GUCY2F: variants seen among roughly 807,000 people sequenced by gnomAD.
GUCY2F encodes retinal guanylyl cyclase 2.
Under a neutral mutation model 73.1 loss-of-function variants are expected in GUCY2F, and 61 were observed. The observed-to-expected ratio is 0.83, with a 90% confidence interval of 0.68 to 1.03. The LOEUF is 1.03. Ranked by LOEUF, GUCY2F falls within the 50% of genes least tolerant of loss-of-function variation. The probability of loss-of-function intolerance (pLI) is 0.00; values close to 1 mark genes in which losing one functional copy is unlikely to be tolerated. For missense variants in GUCY2F, 912 were observed against 854.3 expected, an observed-to-expected ratio of 1.07 and a Z score of -0.84; for synonymous variants, 331 against 307.8, an observed-to-expected ratio of 1.08 and a Z score of -0.79.
chrX:109,381,773 C>A (rs1165217766), intron 17 of GUCY2F, among the ~76,000 whole-genome samples: 1 of 112,176 alleles, frequency 8.9e-6, no homozygotes, highest in Non-Finnish European at 1.9e-5. Flanking sequence ...CAATGTCTGG[C>A]ACTGCCAAAG....
chrX:109,419,850 A>C (rs777133471), intron 8 of GUCY2F, among the ~76,000 whole-genome samples: 1 of 109,623 alleles, frequency 9.1e-6, no homozygotes, highest in African/African-American at 3.3e-5. Context: ...AATTTAAAGA[A>C]TTTACAATGT....
chrX:109,383,524 T>A lies in GUCY2F; in HGVS notation c.3056-1312A>T, dbSNP rs549077614. 4.9e-4 allele frequency: 99 copies of A among 202,977 alleles called. 2 individuals are homozygous for A. In the South Asian group the frequency reaches 0.02, roughly 40 times the overall value. 16.7% of individuals were successfully genotyped at this position (202,977 alleles called of 1,213,427 possible). A position where few individuals can be genotyped will look rare whatever the true frequency, so the allele number is the denominator to read the frequency against. On this transcript the variant is annotated intron_variant, in intron 16 of 19. Transcript: ENST00000218006. ...ACATGTCCTGATTTCATATCCAATG[T>A]GAGGAGAGGCTACCTCTCTACAGAT...
chrX:109,442,992 A>T (rs1931909900), intron 6 of GUCY2F, among the ~76,000 whole-genome samples: 2 of 111,993 alleles, frequency 1.8e-5, no homozygotes, highest in Non-Finnish European at 3.8e-5. Flanking sequence ...TCTTAACCTG[A>T]CTTCTCCTAA....
chrX:109,426,581 G>GA (rs1400897561), intron 8 of GUCY2F, among the ~76,000 whole-genome samples: 1 of 111,475 alleles, frequency 9.0e-6, no homozygotes. Context: ...AGTAGAGACG[G>GA]GGTTTCACCG....
intron 8 of GUCY2F, among the ~76,000 whole-genome samples, chrX:109,423,255 A>T (rs1474593160): frequency 8.9e-6 from 1 of 112,179 alleles, no homozygotes. Context: ...TTTAAAATGT[A>T]GAAAATATTC....
chrX:109,469,364 G>A lies in GUCY2F; in HGVS notation c.731-3921C>T, dbSNP rs907074289. Among the ~76,000 whole-genome samples, 5 of 110,895 alleles carry A rather than the reference G, an allele frequency of 4.5e-5. No homozygotes were observed. In the Admixed American group the frequency reaches 4.8e-4, roughly 11 times the overall value. ...CTTGAGAGAGAGTAACTGTGTTTCT[G>A]AAAAGGCAAAGGTCACTTATTTCTC... On this transcript the variant is annotated intron_variant, in intron 2 of 19. Transcript: ENST00000218006.
intron 1 of GUCY2F, among the ~76,000 whole-genome samples, chrX:109,481,372 G>A (rs958481342): frequency 7.1e-5 from 8 of 111,892 alleles, no homozygotes; most frequent in African/African-American, 2.6e-4. Context: ...AGCGGCTAGA[G>A]CATAGGGATG....
intron 3 of GUCY2F, among the ~76,000 whole-genome samples, chrX:109,464,360 T>G (rs904580628): frequency 8.9e-6 from 1 of 112,519 alleles, no homozygotes; most frequent in Non-Finnish European, 1.9e-5. Flanking sequence ...TACATTTATC[T>G]ACACACATAT....
At chrX:109,388,885 G>T (rs1162015811) in intron 14 of GUCY2F, among the ~76,000 whole-genome samples, 2 of 111,192 alleles carry the variant, frequency 1.8e-5, no homozygotes. Context: ...TCTGAAATAA[G>T]TGTAGCTACC....
In GUCY2F at chrX:109,388,517, C is replaced by A. The variant is rs760154216; in HGVS notation, c.2928G>T (p.Pro976=). The A allele has an allele frequency of 8.3e-6, 10 of 1,206,288 alleles. No homozygotes were observed. In the Admixed American group the frequency reaches 2.0e-4, roughly 24 times the overall value. ...TFKMRHMPEV[P]VRIRIGLHSG... ...AGTGAAGGCCAATTCGAATTCGGAC[C>A]GGCACTTCTGGCATGTGCCGCATCT... The change falls in exon 15 of 20, where the codon CCG becomes CCT. Residue 976 remains proline, a synonymous_variant. Coordinates refer to ENST00000218006, the MANE Select transcript of GUCY2F (RefSeq NM_001522.3).
intron 8 of GUCY2F, among the ~76,000 whole-genome samples, chrX:109,425,795 C>A (rs1006418446): frequency 9.0e-6 from 1 of 110,554 alleles, no homozygotes; most frequent in Non-Finnish European, 1.9e-5. Context: ...CCCCAAAAAA[C>A]TATGGAAATA....
At chrX:109,435,122 T>C (rs1931709115) in intron 7 of GUCY2F, among the ~76,000 whole-genome samples, 3 of 111,567 alleles carry the variant, frequency 2.7e-5, no homozygotes, top group African/African-American at 9.8e-5. Flanking sequence ...TCTTTTTTGG[T>C]TCCATATGAG....
chrX:109,417,920 CATA>C (rs1304883506), intron 8 of GUCY2F, among the ~76,000 whole-genome samples: 1 of 111,179 alleles, frequency 9.0e-6, no homozygotes, highest in African/African-American at 3.3e-5. Context: ...TAAAATAAGA[CATA>C]ATAATAAAAT....
Position 109,415,131 on chromosome X carries a change from G to A in GUCY2F, c.1792-5963C>T, listed in dbSNP as rs969812540. ...AAAAAACCACTGGGGACATGTAGGT[G>A]CAAAAAAAGAATCTAAAACTCAAAG... On this transcript the variant is annotated intron_variant, in intron 8 of 19. Coordinates refer to ENST00000218006, the MANE Select transcript of GUCY2F (RefSeq NM_001522.3). Among the ~76,000 whole-genome samples the A allele has an allele frequency of 5.4e-5, 6 of 110,845 alleles. No individual in the cohort carries two copies. The East Asian group carries it at 1.7e-3, about 31-fold the overall frequency.
At chrX:109,478,675 C>T (rs1932742351) in intron 1 of GUCY2F, among the ~76,000 whole-genome samples, 1 of 112,511 alleles carries the variant, frequency 8.9e-6, no homozygotes, top group Admixed American at 9.3e-5. Flanking sequence ...ACACTCTTTC[C>T]ATGTATTGTC....
At chrX:109,386,617 A>G (rs1930442418) in intron 15 of GUCY2F, among the ~76,000 whole-genome samples, 1 of 111,881 alleles carries the variant, frequency 8.9e-6, no homozygotes, top group Non-Finnish European at 1.9e-5. Context: ...ATGCATTGAA[A>G]GGGGAAAATG....
intron 13 of GUCY2F, 76 bp downstream of exon 13, chrX:109,392,816 T>G: frequency 1.5e-6 from 1 of 667,730 alleles, no homozygotes; most frequent in Admixed American, 3.1e-5. Flanking sequence ...GATGGGTAAT[T>G]TTTTTCTTTC....
At chrX:109,402,610 A>G (rs765760123) in intron 10 of GUCY2F, among the ~76,000 whole-genome samples, 1 of 111,356 alleles carries the variant, frequency 9.0e-6, no homozygotes, top group African/African-American at 3.3e-5. Flanking sequence ...TGACCTCGTG[A>G]TCTGCCCACC....
intron 3 of GUCY2F, among the ~76,000 whole-genome samples, chrX:109,456,303 G>A (rs1439172080): frequency 9.0e-6 from 1 of 111,664 alleles, no homozygotes; most frequent in Admixed American, 9.5e-5. Context: ...ATAAGTGAAG[G>A]ATGGAAAGTG....
Sources: allele counts gnomAD v4.1 joint callset (sites outside exome capture counted in the v4.1 genomes callset), GRCh38; gene constraint gnomAD v4.1.1; transcripts MANE v1.5; gene names NCBI Gene and HGNC (gene_info 2026-07-23, HGNC 2026-07-21).